The following GTF3C5 variants were observed in gnomAD, a reference collection of about 807,000 sequenced individuals.
GTF3C5 encodes general transcription factor 3C polypeptide 5.
Under a neutral mutation model 61.0 loss-of-function variants are expected in GTF3C5, and 47 were observed. That is an observed-to-expected ratio of 0.77 (90% CI 0.61 to 0.98). GTF3C5 has a LOEUF of 0.98. GTF3C5 is among the 50% of genes least tolerant of loss of function. The pLI is 0.00. For missense variants in GTF3C5, 659 were observed against 703.3 expected (o/e 0.94, Z 0.71); for synonymous variants, 295 against 275.4 (o/e 1.07, Z -0.71).
chr9:133,040,839 T>C (rs1455638127), intron 1 of GTF3C5, among the ~76,000 whole-genome samples: 1 of 152,184 alleles, frequency 6.6e-6, no homozygotes, highest in Non-Finnish European at 1.5e-5. Context: ...TGTTCCAGTA[T>C]AATAAAATAC....
chr9:133,057,240 G>A (rs965369473), intron 10 of GTF3C5, among the ~76,000 whole-genome samples: 10 of 152,128 alleles, frequency 6.6e-5, no homozygotes, highest in African/African-American at 2.4e-4. Flanking sequence ...CTGTGCATGC[G>A]CAGGCTCTGC....
At chr9:133,037,523 G>T (rs192058317) in intron 1 of GTF3C5, among the ~76,000 whole-genome samples, 18 of 142,344 alleles carry the variant, frequency 1.3e-4, no homozygotes, top group South Asian at 4.7e-4. Context: ...TATGTATGGT[G>T]GGGGGGTGGG....
rs752185413 is a variant in GTF3C5 at position 133,053,941 on chromosome 9, C to G, written c.987C>G (p.His329Gln). The G allele has an allele frequency of 2.5e-6, 4 of 1,582,546 alleles. No homozygotes were observed. The highest frequency in any genetic ancestry group is 1.1e-5 in the South Asian group (1 of 90,034). ...TCCGAATCCGTTGTGGAATGAAACA[C>G]GGTAAAAATTCCTGAAAGCTTTGCT... The part of the protein sequence containing the change: ...LDFRIRCGMK[H>Q]GYAPSDLPVK... Residue 329 changes from histidine (H) to glutamine (Q), a missense_variant and splice_region_variant, in exon 6 of 11, where the codon CAC becomes CAG. Physicochemically the swap from His to Gln is conservative, Grantham distance 24. Coordinates refer to ENST00000372097, the MANE Select transcript of GTF3C5 (RefSeq NM_012087.4).
intron 1 of GTF3C5, among the ~76,000 whole-genome samples, chr9:133,035,469 C>G (rs1294072755): frequency 6.6e-6 from 1 of 152,140 alleles, no homozygotes; most frequent in Non-Finnish European, 1.5e-5. Context: ...ATCCCTAAAC[C>G]CTGAGAACTG....
intron 8 of GTF3C5, chr9:133,055,761 G>C: frequency 1.5e-6 from 2 of 1,339,116 alleles, no homozygotes; most frequent in Non-Finnish European, 1.9e-6. Context: ...CTGCTGCACG[G>C]GCGGGCTCAC....
intron 4 of GTF3C5, 130 bp from the exon 5 acceptor site, chr9:133,051,930 G>T: frequency 1.9e-6 from 1 of 539,200 alleles, no homozygotes; most frequent in Non-Finnish European, 3.3e-6. Flanking sequence ...CACGCCCTGT[G>T]TGTCCAGCCC....
rs534111046 is a variant in GTF3C5, at chr9:133,031,252, T to G, written c.153+88T>G. Reference sequence around the variant, plus strand: ...CAAAGGATTTCTCAGCAAGGGAAATTTAGCAAATTTACTTACGCAGAAGGG... The same window carrying G: ...CAAAGGATTTCTCAGCAAGGGAAATGTAGCAAATTTACTTACGCAGAAGGG... On this transcript the variant is annotated intron_variant, in intron 1 of 10. Transcript: ENST00000372097. 2.4e-4 allele frequency: 291 copies of G among 1,222,316 alleles called. 2 individuals carry two copies. The South Asian group carries it at 3.9e-3, about 16-fold the overall frequency. 75.7% of individuals were successfully genotyped at this position (1,222,316 alleles called of 1,614,324 possible). A position where few individuals can be genotyped will look rare whatever the true frequency, so the allele number is the denominator to read the frequency against.
chr9:133,034,229 G>A (rs1227279067), intron 1 of GTF3C5, among the ~76,000 whole-genome samples: 1 of 152,172 alleles, frequency 6.6e-6, no homozygotes, highest in African/African-American at 2.4e-5. Context: ...GAGGGGGGTT[G>A]GCTGTCCGCC....
At chr9:133,030,736 G>T (rs2118955838), upstream of GTF3C5, 2 of 563,732 alleles carry the variant, frequency 3.5e-6, no homozygotes, top group Non-Finnish European at 6.5e-6. Context: ...TCCCTCGCTG[G>T]CTAGTAGGAG....
chr9:133,040,439 C>G (rs565577130), intron 1 of GTF3C5, among the ~76,000 whole-genome samples: 25 of 152,164 alleles, frequency 1.6e-4, no homozygotes, highest in Admixed American at 1.6e-3. Flanking sequence ...TTCATATGTA[C>G]GTGGCACATA....
intron 3 of GTF3C5, chr9:133,044,283 C>A: frequency 4.2e-6 from 1 of 236,946 alleles, no homozygotes; most frequent in South Asian, 7.2e-5. Context: ...TAAGCGGTGG[C>A]CTGTGTGATC....
At chr9:133,050,719 T>C in intron 3 of GTF3C5, 64 bp from the exon 4 acceptor site, 9 of 1,231,796 alleles carry the variant, frequency 7.3e-6, no homozygotes, top group Non-Finnish European at 1.0e-5. Flanking sequence ...CTGCCTGGTC[T>C]GGCCCAGCGG....
chr9:133,039,742 C>G (rs1161226261), intron 1 of GTF3C5, among the ~76,000 whole-genome samples: 2 of 152,194 alleles, frequency 1.3e-5, no homozygotes, highest in African/African-American at 2.4e-5. Context: ...GTTCTCTGTT[C>G]CTAACATCCA....
intron 1 of GTF3C5, among the ~76,000 whole-genome samples, chr9:133,037,790 C>G (rs1849910732): frequency 6.6e-6 from 1 of 152,100 alleles, no homozygotes; most frequent in Admixed American, 6.6e-5. Context: ...CTCCCTTTAC[C>G]CCTGAAACAA....
At chr9:133,057,718 ATAG>A (rs1420065221) in intron 10 of GTF3C5, 93 bp from the exon 11 acceptor site, 2 of 1,170,066 alleles carry the variant, frequency 1.7e-6, no homozygotes, top group Non-Finnish European at 2.4e-6. Flanking sequence ...TCGGACCCTT[ATAG>A]TAGTAAACAG....
intron 10 of GTF3C5, 74 bp downstream of exon 10, chr9:133,056,982 G>C: frequency 7.2e-7 from 1 of 1,390,412 alleles, no homozygotes; most frequent in Non-Finnish European, 9.5e-7. Flanking sequence ...TCCCTAAGGG[G>C]ACCCATTCCT....
intron 10 of GTF3C5, among the ~76,000 whole-genome samples, chr9:133,057,359 G>A (rs984323674): frequency 1.3e-5 from 2 of 152,224 alleles, no homozygotes; most frequent in African/African-American, 2.4e-5. Context: ...CACCTGCCAG[G>A]CTGTGGGTCT....
intron 1 of GTF3C5, among the ~76,000 whole-genome samples, chr9:133,036,437 G>A (rs376687443): frequency 1.3e-5 from 2 of 152,092 alleles, no homozygotes; most frequent in East Asian, 1.9e-4. Context: ...AGCCGTAGCC[G>A]CAATGGATTG....
At chr9:133,049,471 C>G (rs926319862) in intron 3 of GTF3C5, among the ~76,000 whole-genome samples, 1 of 152,188 alleles carries the variant, frequency 6.6e-6, no homozygotes, top group Non-Finnish European at 1.5e-5. Flanking sequence ...ATGTAGAAAA[C>G]TAAGGTAAAA....
Sources: allele counts gnomAD v4.1 joint callset (sites outside exome capture counted in the v4.1 genomes callset), GRCh38; gene constraint gnomAD v4.1.1; transcripts MANE v1.5; gene names NCBI Gene and HGNC (gene_info 2026-07-23, HGNC 2026-07-21).